PGM2L1: variants seen among roughly 807,000 people sequenced by gnomAD.
The protein encoded by PGM2L1 is phosphoglucomutase 2 like 1, also known as glucose 1,6-bisphosphate synthase.
PGM2L1 carries 35 observed loss-of-function variants against 73.4 expected under a neutral mutation model. The observed-to-expected ratio is 0.48, with a 90% CI of 0.36 to 0.63. PGM2L1 has a LOEUF of 0.63. Ranked by LOEUF, PGM2L1 falls within the 30% of genes least tolerant of loss-of-function variation. The probability of loss-of-function intolerance (pLI) is 0.00; values close to 1 mark genes in which losing one functional copy is unlikely to be tolerated. For synonymous variants in PGM2L1, 225 were observed against 253.8 expected (o/e 0.89, Z 1.08); for missense variants, 570 against 742.0 (o/e 0.77, Z 2.69).
At chr11:74,374,343 A>G in intron 2 of PGM2L1, 72 bp downstream of exon 2, 1 of 1,322,384 alleles carries the variant, frequency 7.6e-7, no homozygotes, top group Non-Finnish European at 1.0e-6. Context: ...CAGCCTCCCA[A>G]ACTGCTGGGA....
At chr11:74,380,821 T>C (rs1862931813) in intron 1 of PGM2L1, among the ~76,000 whole-genome samples, 1 of 152,218 alleles carries the variant, frequency 6.6e-6, no homozygotes, top group Admixed American at 6.6e-5. Flanking sequence ...CAAATGTTTA[T>C]TGTCTTTCTA....
chr11:74,377,222 C>T (rs1206982374), intron 1 of PGM2L1, among the ~76,000 whole-genome samples: 2 of 151,672 alleles, frequency 1.3e-5, no homozygotes, highest in East Asian at 1.9e-4. Flanking sequence ...GCAAGCTCCG[C>T]CTCCCGGGTT....
chr11:74,369,498 C>T lies in PGM2L1; in HGVS notation c.472-923G>A, dbSNP rs111879647. Among the ~76,000 whole-genome samples the T allele has an allele frequency of 2.5e-4, 38 of 152,058 alleles. No homozygotes were observed. In the East Asian group the frequency reaches 2.9e-3, roughly 12 times the overall value. Reference sequence around the variant, plus strand: ...GGGAACACATGGATTAAACGAGGAACGAGGCTGTAATGAGAAGGATGAAGA... The same window carrying T: ...GGGAACACATGGATTAAACGAGGAATGAGGCTGTAATGAGAAGGATGAAGA... On this transcript the variant is annotated intron_variant, in intron 4 of 13. Transcript: ENST00000298198.
chr11:74,376,364 G>T (rs1862852551), intron 1 of PGM2L1, among the ~76,000 whole-genome samples: 1 of 151,978 alleles, frequency 6.6e-6, no homozygotes, highest in East Asian at 1.9e-4. Flanking sequence ...CAAAATAATT[G>T]TGTTGGGGTG....
intron 5 of PGM2L1, among the ~76,000 whole-genome samples, chr11:74,360,757 C>T (rs1156414474): frequency 2.0e-5 from 3 of 152,206 alleles, no homozygotes; most frequent in Admixed American, 6.5e-5. Flanking sequence ...GATTATATCC[C>T]GAGCCTGGCT....
At chr11:74,350,647 C>A (rs1862335391) in intron 6 of PGM2L1, among the ~76,000 whole-genome samples, 1 of 152,166 alleles carries the variant, frequency 6.6e-6, no homozygotes, top group Non-Finnish European at 1.5e-5. Context: ...GAGGCTGAGG[C>A]AGGCGGATCA....
chr11:74,359,030 A>G (rs1174964163), intron 5 of PGM2L1, among the ~76,000 whole-genome samples: 3 of 152,228 alleles, frequency 2.0e-5, no homozygotes, highest in Admixed American at 1.3e-4. Context: ...AATCATATTA[A>G]AAAATACATA....
At chr11:74,366,600 G>A (rs1862663557) in intron 5 of PGM2L1, among the ~76,000 whole-genome samples, 1 of 151,876 alleles carries the variant, frequency 6.6e-6, no homozygotes, top group Non-Finnish European at 1.5e-5. Context: ...GGAACCCAAA[G>A]GATAAAAATA....
intron 5 of PGM2L1, chr11:74,354,793 G>C (rs1862417374): frequency 3.3e-6 from 3 of 907,576 alleles, no homozygotes; most frequent in Non-Finnish European, 5.2e-6. Context: ...AGACCCTGAA[G>C]AACATCACCT....
At chr11:74,360,165 A>G (rs623065) in intron 5 of PGM2L1, among the ~76,000 whole-genome samples, 109,742 of 151,906 alleles carry the variant, frequency 0.72, 39,841 homozygotes, top group East Asian at 0.81. Context: ...GGAAGGTTGA[A>G]GCTGCAGTGA....
intron 1 of PGM2L1, among the ~76,000 whole-genome samples, chr11:74,384,924 CT>C (rs2134947853): frequency 6.6e-6 from 1 of 152,314 alleles, no homozygotes; most frequent in East Asian, 1.9e-4. Flanking sequence ...ACTAGCAAGG[CT>C]AACAAAAAGA....
rs2134867021 is a variant in PGM2L1 at position 74,330,885 on chromosome 11, A to G, written c.*5767T>C. 1 of 152,360 alleles carries G rather than the reference A, an allele frequency of 6.6e-6. No individual in the cohort carries two copies. Among genetic ancestry groups the G allele is most frequent in the East Asian group, 1.9e-4 (1 of 5,192 alleles). The allele number at this position is 152,360 out of a possible 1,614,324, so 9.4% of individuals were successfully genotyped here. A position where few individuals can be genotyped will look rare whatever the true frequency, so the allele number is the denominator to read the frequency against. ...GAGATATGCTTTGCTCTCTCCAAAG[A>G]AACTGAGTATTTAAGGGGATGTCTG... On this transcript the variant is annotated 3_prime_UTR_variant, in exon 14 of 14. Coordinates refer to ENST00000298198, the MANE Select transcript of PGM2L1 (RefSeq NM_173582.6).
intron 7 of PGM2L1, 30 bp downstream of exon 7, chr11:74,347,118 T>G: frequency 1.4e-6 from 2 of 1,431,610 alleles, no homozygotes; most frequent in Non-Finnish European, 1.9e-6. Context: ...TTTAATAAAC[T>G]AATAATAATT....
At chr11:74,373,883 T>A (rs906218616) in intron 2 of PGM2L1, among the ~76,000 whole-genome samples, 9 of 152,102 alleles carry the variant, frequency 5.9e-5, no homozygotes, top group Non-Finnish European at 1.2e-4. Flanking sequence ...TAACGCTTAA[T>A]CAGAAAGTCA....
rs923694128 is a variant in PGM2L1 at position 74,387,952 on chromosome 11, A to G, written c.111+10099T>C. Among the ~76,000 whole-genome samples, 3 of 152,196 alleles carry G rather than the reference A, an allele frequency of 2.0e-5. No homozygotes were observed. In the East Asian group the frequency reaches 5.8e-4, roughly 29 times the overall value. ...TTCCAGACCTTTACTACACATCTACATACTTGTAAAATGCAGTTTTGCTTT... is the reference window on the plus strand; with the variant it reads ...TTCCAGACCTTTACTACACATCTACGTACTTGTAAAATGCAGTTTTGCTTT... On this transcript the variant is annotated intron_variant, in intron 1 of 13. Transcript: ENST00000298198.
intron 1 of PGM2L1, among the ~76,000 whole-genome samples, chr11:74,387,964 T>C (rs1193723274): frequency 6.6e-6 from 1 of 152,240 alleles, no homozygotes; most frequent in African/African-American, 2.4e-5. Context: ...ACTTGTAAAA[T>C]GCAGTTTTGC....
chr11:74,337,811 A>T (rs558240700), intron 13 of PGM2L1, among the ~76,000 whole-genome samples: 1 of 152,336 alleles, frequency 6.6e-6, no homozygotes, highest in Non-Finnish European at 1.5e-5. Context: ...TCAATTCCCA[A>T]ATGATGTAGC....
intron 5 of PGM2L1, among the ~76,000 whole-genome samples, chr11:74,361,765 A>G (rs1862567783): frequency 6.6e-6 from 1 of 152,252 alleles, no homozygotes; most frequent in African/African-American, 2.4e-5. Flanking sequence ...AAGCTTCAGT[A>G]GCCCATTTGA....
At chr11:74,344,742 G>A (rs986013214) in intron 9 of PGM2L1, among the ~76,000 whole-genome samples, 2 of 152,152 alleles carry the variant, frequency 1.3e-5, no homozygotes, top group Non-Finnish European at 2.9e-5. Context: ...AATCTTAGGT[G>A]TGAATCAACT....
Sources: allele counts gnomAD v4.1 joint callset (sites outside exome capture counted in the v4.1 genomes callset), GRCh38; gene constraint gnomAD v4.1.1; transcripts MANE v1.5; gene names NCBI Gene and HGNC (gene_info 2026-07-23, HGNC 2026-07-21).